The following ZNF454 variants were observed in gnomAD, a reference collection of about 807,000 sequenced individuals.
ZNF454 encodes zinc finger protein 454.
ZNF454 carries 30 observed loss-of-function variants against 48.2 expected under a neutral mutation model. That is an observed-to-expected ratio of 0.62 (90% CI 0.47 to 0.84). The LOEUF (loss-of-function observed/expected upper bound fraction) is 0.84. Ranked by LOEUF, ZNF454 falls within the 40% of genes least tolerant of loss-of-function variation. The pLI, the probability that ZNF454 is intolerant of heterozygous loss-of-function variation, is 0.00. For missense variants in ZNF454, 510 were observed against 623.1 expected, an observed-to-expected ratio of 0.82 and a Z score of 1.93; for synonymous variants, 204 against 211.4, an observed-to-expected ratio of 0.97 and a Z score of 0.30.
At chr5:178,950,151 G>A (rs1193165730) in intron 4 of ZNF454, among the ~76,000 whole-genome samples, 2 of 152,210 alleles carry the variant, frequency 1.3e-5, no homozygotes, top group Non-Finnish European at 2.9e-5. Flanking sequence ...GGGATTACAG[G>A]TGTGAGCCAC....
At chr5:178,981,606 G>T in the ZNF454 span, 1 of 1,411,900 alleles carries the variant, frequency 7.1e-7, no homozygotes, top group Non-Finnish European at 1.0e-6. The surrounding 1 kb of genome is among the most constrained non-coding windows in gnomAD (Gnocchi z 5.1). Flanking sequence ...CCACCTCGAG[G>T]CAAGAGGAAG....
chr5:178,969,139 A>T (rs1760206610), downstream of ZNF454, among the ~76,000 whole-genome samples: 1 of 152,190 alleles, frequency 6.6e-6, no homozygotes, highest in Non-Finnish European at 1.5e-5. Context: ...ATTACACTGT[A>T]GGATGACGAG....
In ZNF454 at chr5:178,963,549, T is replaced by G. The variant is rs1294749594; in HGVS notation, c.251-1106T>G. Reference sequence around the variant, plus strand: ...AAGGATGGCTTGTTCTTGATGGGATTTCTCGTGAATTCTGCATCGTCTGTG... The same window carrying G: ...AAGGATGGCTTGTTCTTGATGGGATGTCTCGTGAATTCTGCATCGTCTGTG... On this transcript the variant is annotated intron_variant, in intron 4 of 4. Coordinates refer to ENST00000519564, the MANE Select transcript of ZNF454 (RefSeq NM_001178089.3). 3.3e-5 allele frequency among the ~76,000 whole-genome samples: 5 copies of G among 151,684 alleles called. No homozygotes were observed. The Admixed American group carries it at 3.3e-4, about 10-fold the overall frequency.
chr5:178,985,680 G>GA, the ZNF454 span: 1 of 397,534 alleles, frequency 2.5e-6, no homozygotes, highest in South Asian at 1.8e-5. Flanking sequence ...TCCAGCCTGG[G>GA]CGACACAGCG....
chr5:178,984,340 G>A, the ZNF454 span, among the ~76,000 whole-genome samples: 1 of 152,306 alleles, frequency 6.6e-6, no homozygotes, highest in African/African-American at 2.4e-5. Flanking sequence ...AATGAGCAAA[G>A]GACAGGAACA....
the ZNF454 span, chr5:178,989,912 A>C: frequency 4.5e-6 from 1 of 224,472 alleles, no homozygotes; most frequent in Non-Finnish European, 8.9e-6. Context: ...GCCTAAAGTC[A>C]CCAACTCTCA....
At chr5:178,989,216 C>G in the ZNF454 span, 5 of 1,183,478 alleles carry the variant, frequency 4.2e-6, no homozygotes, top group Non-Finnish European at 6.1e-6. Flanking sequence ...TCCCCACCCT[C>G]ACCACCCTCC....
chr5:178,987,144 T>C, the ZNF454 span: 45 of 757,274 alleles, frequency 5.9e-5, no homozygotes, highest in African/African-American at 6.7e-4. Context: ...CCTTCACCCA[T>C]TGGGATGGCT....
At chr5:178,988,556 C>T in the ZNF454 span, among the ~76,000 whole-genome samples, 2 of 152,172 alleles carry the variant, frequency 1.3e-5, no homozygotes, top group Non-Finnish European at 2.9e-5. This position sits in a 1 kb window ranked among gnomAD's most constrained non-coding sequence, Gnocchi z 6.0. Flanking sequence ...GAGTGGGCGG[C>T]ATGTCCCTGG....
In ZNF454 at chr5:178,947,281, C is replaced by G. The variant is rs193273854; in HGVS notation, c.250+295C>G. On this transcript the variant is annotated intron_variant, in intron 4 of 4. Transcript: ENST00000519564. ...CATCTGGGCAGTTCTCCCCACACCC[C>G]CATTCATGGGTGTCCTGTTCAGCAT... is the stretch of plus-strand genomic sequence containing the variant. 1.9e-3 allele frequency among the ~76,000 whole-genome samples: 282 copies of G among 152,298 alleles called. 1 individual carries two copies. The highest frequency in any genetic ancestry group is 5.0e-3 in the Admixed American group (77 of 15,302).
At position 178,941,409 on chromosome 5, in the gene ZNF454, G is replaced by A. The variant is rs75843251; in HGVS notation, c.-143G>A. 0.011 allele frequency: 4,948 copies of A among 456,740 alleles called. 272 individuals are homozygous for A. Among genetic ancestry groups the A allele is most frequent in the Admixed American group, 0.097 (4,137 of 42,582 alleles). 28.3% of individuals were successfully genotyped at this position (456,740 alleles called of 1,614,324 possible). A position where few individuals can be genotyped will look rare whatever the true frequency, so the allele number is the denominator to read the frequency against. ...GAGGTGCGGGTTGTGGTCCATTCTG[G>A]AGGACGCTGATCGAATGCCCCAAAC... On this transcript the variant is annotated 5_prime_UTR_variant, in exon 1 of 5. Transcript: ENST00000519564. This position sits in a 1 kb window ranked among gnomAD's most constrained non-coding sequence, Gnocchi z 5.5.
rs12654770 is a variant in ZNF454 at position 178,952,238 on chromosome 5, C to T, written c.250+5252C>T. 9.3e-3 allele frequency among the ~76,000 whole-genome samples: 1,416 copies of T among 152,184 alleles called. 74 individuals are homozygous for T. The East Asian group carries it at 0.13, about 13-fold the overall frequency. ...ATTTTTAGTAGAGACGGGGTTTCAC[C>T]GTTTTAGCCGGGATGGTCTCGATCT... On this transcript the variant is annotated intron_variant, in intron 4 of 4. Coordinates refer to ENST00000519564, the MANE Select transcript of ZNF454 (RefSeq NM_001178089.3).
chr5:178,986,392 C>T, the ZNF454 span: 20 of 1,613,824 alleles, frequency 1.2e-5, no homozygotes, highest in Admixed American at 8.3e-5. Flanking sequence ...GCTGAGCTCT[C>T]GGCCCGAGGC....
the ZNF454 span, chr5:178,987,385 A>G: frequency 4.3e-6 from 2 of 463,536 alleles, no homozygotes; most frequent in African/African-American, 4.0e-5. Flanking sequence ...CGTTATTCAC[A>G]TAGCCACAAG....
the ZNF454 span, among the ~76,000 whole-genome samples, chr5:178,977,000 C>T: frequency 6.6e-6 from 1 of 152,090 alleles, no homozygotes; most frequent in Non-Finnish European, 1.5e-5. Flanking sequence ...GGAGAGTCTG[C>T]AGGTAAATTT....
At chr5:178,972,437 C>G in the ZNF454 span, among the ~76,000 whole-genome samples, 4 of 151,760 alleles carry the variant, frequency 2.6e-5, no homozygotes, top group African/African-American at 9.7e-5. Flanking sequence ...GGGCCCCAGG[C>G]ACTGTCCCTA....
chr5:178,972,647 C>T, the ZNF454 span, among the ~76,000 whole-genome samples: 13 of 152,300 alleles, frequency 8.5e-5, no homozygotes, highest in East Asian at 1.5e-3. Context: ...AGGCAAACCA[C>T]AGATGACCCC....
chr5:178,952,130 C>G (rs973027183), intron 4 of ZNF454, among the ~76,000 whole-genome samples: 1 of 151,856 alleles, frequency 6.6e-6, no homozygotes, highest in Admixed American at 6.6e-5. Context: ...CTCCTCCTCC[C>G]GGGTTCACGC....
At chr5:178,948,975 T>C (rs1055123747) in intron 4 of ZNF454, among the ~76,000 whole-genome samples, 3 of 151,464 alleles carry the variant, frequency 2.0e-5, no homozygotes, top group Non-Finnish European at 4.4e-5. Flanking sequence ...TAATCATGGC[T>C]CACTGCAACC....
Sources: allele counts gnomAD v4.1 joint callset (sites outside exome capture counted in the v4.1 genomes callset), GRCh38; gene constraint gnomAD v4.1.1; non-coding constraint Gnocchi (gnomAD v3.1); transcripts MANE v1.5; gene names NCBI Gene and HGNC (gene_info 2026-07-23, HGNC 2026-07-21).